CSNK1G3: variants seen among roughly 807,000 people sequenced by gnomAD.
The protein encoded by CSNK1G3 is casein kinase I isoform gamma-3.
Under a neutral mutation model 64.3 loss-of-function variants are expected in CSNK1G3, and 23 were observed. That is an observed-to-expected ratio of 0.36 (90% CI 0.26 to 0.51). The LOEUF is 0.51. Among genes scored for constraint, CSNK1G3 ranks in the 20% least tolerant of loss-of-function variants. The pLI is 0.96. For missense variants in CSNK1G3, 357 were observed against 510.5 expected (o/e 0.70, Z 2.90); for synonymous variants, 158 against 162.2 (o/e 0.97, Z 0.20).
intron 1 of CSNK1G3, among the ~76,000 whole-genome samples, chr5:123,536,630 A>G (rs1039125794): frequency 2.0e-5 from 3 of 152,112 alleles, no homozygotes; most frequent in African/African-American, 7.2e-5. Context: ...TGTGATCACT[A>G]TATAGTATGT....
chr5:123,521,930 G>A (rs1260912787), intron 1 of CSNK1G3, among the ~76,000 whole-genome samples: 2 of 152,100 alleles, frequency 1.3e-5, no homozygotes, highest in Non-Finnish European at 2.9e-5. Flanking sequence ...AGTAGGGCCT[G>A]GAAAGGGCTA....
chr5:123,544,542 C>T (rs925288656), intron 1 of CSNK1G3, among the ~76,000 whole-genome samples: 1 of 152,290 alleles, frequency 6.6e-6, no homozygotes, highest in African/African-American at 2.4e-5. Flanking sequence ...TTTATAACTT[C>T]TTTAATAGCA....
chr5:123,542,765 T>C (rs1781872933), intron 1 of CSNK1G3, among the ~76,000 whole-genome samples: 1 of 152,032 alleles, frequency 6.6e-6, no homozygotes, highest in Non-Finnish European at 1.5e-5. Context: ...TTAGTTCTGC[T>C]GTATGTCGTG....
chr5:123,525,776 G>A (rs1456274981), intron 1 of CSNK1G3, among the ~76,000 whole-genome samples: 3 of 151,806 alleles, frequency 2.0e-5, no homozygotes, highest in Non-Finnish European at 4.4e-5. Context: ...GGCGGATCAC[G>A]AGGTCAGGAG....
At chr5:123,561,474 A>T (rs964706785) in intron 4 of CSNK1G3, among the ~76,000 whole-genome samples, 2 of 152,208 alleles carry the variant, frequency 1.3e-5, no homozygotes, top group African/African-American at 4.8e-5. Flanking sequence ...AAGTAAAGGG[A>T]TGTAATGTGA....
In CSNK1G3 at chr5:123,609,554, ATCAGT is replaced by A. The variant is rs1398694427; in HGVS notation, c.1217+4198_1217+4202del. Among the ~76,000 whole-genome samples the A allele has an allele frequency of 2.6e-5, 4 of 152,266 alleles. No homozygotes were observed. In the East Asian group the frequency reaches 7.7e-4, roughly 29 times the overall value. On this transcript the variant is annotated intron_variant, in intron 12 of 12. Transcript: ENST00000345990. The stretch of plus-strand genomic sequence containing the variant: ...AAAGAATAATTTATTTCCTCAAGAG[ATCAGT>A]TCAGTGAGGAAGAGAGAGGTATAAA...
chr5:123,542,972 C>T (rs1228641273), intron 1 of CSNK1G3, among the ~76,000 whole-genome samples: 1 of 149,544 alleles, frequency 6.7e-6, no homozygotes, highest in Non-Finnish European at 1.5e-5. Flanking sequence ...AGGACTCTAA[C>T]AGCTATTTAC....
chr5:123,588,686 T>C (rs1791777372), intron 8 of CSNK1G3, among the ~76,000 whole-genome samples, 175 bp downstream of exon 8: 2 of 152,216 alleles, frequency 1.3e-5, no homozygotes, highest in Admixed American at 6.5e-5. Context: ...TGTATTTGCT[T>C]TGCAAATGGT....
At chr5:123,536,239 G>GGGGTATGGAT (rs1780780334) in intron 1 of CSNK1G3, among the ~76,000 whole-genome samples, 3 of 152,050 alleles carry the variant, frequency 2.0e-5, no homozygotes, top group African/African-American at 7.2e-5. Flanking sequence ...TGGGATGGAA[G>GGGGTATGGAT]ACAAGGGGTA....
At chr5:123,597,401 C>T (rs983699843) in intron 10 of CSNK1G3, among the ~76,000 whole-genome samples, 1 of 152,024 alleles carries the variant, frequency 6.6e-6, no homozygotes, top group African/African-American at 2.4e-5. Flanking sequence ...TGAAATGTGA[C>T]GCAGGTTTAG....
intron 2 of CSNK1G3, chr5:123,552,875 A>G (rs1215119995): frequency 7.2e-6 from 2 of 279,690 alleles, no homozygotes; most frequent in South Asian, 1.5e-4. Flanking sequence ...TAAGTGGGCT[A>G]CTAGTATCTG....
chr5:123,572,627 A>G (rs1376191515), intron 4 of CSNK1G3, among the ~76,000 whole-genome samples: 2 of 152,166 alleles, frequency 1.3e-5, no homozygotes, highest in African/African-American at 4.8e-5. Context: ...TCAGAATTCA[A>G]TTCCTCATGG....
At chr5:123,603,919 G>T (rs1261218643) in intron 10 of CSNK1G3, among the ~76,000 whole-genome samples, 1 of 152,112 alleles carries the variant, frequency 6.6e-6, no homozygotes, top group Non-Finnish European at 1.5e-5. Flanking sequence ...GAAACGGGAA[G>T]CCAACAGTTG....
intron 2 of CSNK1G3, among the ~76,000 whole-genome samples, chr5:123,548,356 G>C (rs1481813219): frequency 6.6e-6 from 1 of 150,780 alleles, no homozygotes; most frequent in Non-Finnish European, 1.5e-5. Flanking sequence ...TTATTCAGGA[G>C]CCTGAGGCAG....
chr5:123,596,671 G>T (rs565112794), intron 10 of CSNK1G3, among the ~76,000 whole-genome samples: 1 of 152,174 alleles, frequency 6.6e-6, no homozygotes, highest in South Asian at 2.1e-4. Context: ...TTTGAACATT[G>T]CTCGTTTCTC....
intron 6 of CSNK1G3, among the ~76,000 whole-genome samples, chr5:123,587,419 C>T (rs1791532815): frequency 1.3e-5 from 2 of 152,166 alleles, no homozygotes; most frequent in Non-Finnish European, 2.9e-5. Context: ...ATAAGCATCT[C>T]CCTGAGCCTT....
chr5:123,523,126 T>A (rs1175112410), intron 1 of CSNK1G3, among the ~76,000 whole-genome samples: 1 of 137,164 alleles, frequency 7.3e-6, no homozygotes, highest in Non-Finnish European at 1.5e-5. Flanking sequence ...CTTCAAAGAT[T>A]ATTTAGTATA....
At chr5:123,588,895 T>A (rs1340968154) in intron 8 of CSNK1G3, among the ~76,000 whole-genome samples, 1 of 152,148 alleles carries the variant, frequency 6.6e-6, no homozygotes, top group Non-Finnish European at 1.5e-5. Flanking sequence ...TGGTTTAGTT[T>A]TCAAATTAAA....
intron 10 of CSNK1G3, among the ~76,000 whole-genome samples, chr5:123,599,585 A>C (rs1794081764): frequency 6.6e-6 from 1 of 152,230 alleles, no homozygotes; most frequent in African/African-American, 2.4e-5. Flanking sequence ...TCTCAATTAC[A>C]TTAATCGTGA....
Sources: allele counts gnomAD v4.1 joint callset (sites outside exome capture counted in the v4.1 genomes callset), GRCh38; gene constraint gnomAD v4.1.1; transcripts MANE v1.5; gene names NCBI Gene and HGNC (gene_info 2026-07-23, HGNC 2026-07-21).